EPHA4: variants seen among roughly 807,000 people sequenced by gnomAD.
EPHA4 encodes EPH receptor A4.
Under a neutral mutation model 108.3 loss-of-function variants are expected in EPHA4, and 19 were observed. The ratio of observed to expected loss-of-function variants is 0.18; its 90% CI spans 0.12 to 0.26. EPHA4 has a LOEUF of 0.26. EPHA4 is among the 10% of genes least tolerant of loss of function. The pLI, the probability that EPHA4 is intolerant of heterozygous loss-of-function variation, is 1.00. For missense variants in EPHA4, 917 were observed against 1,254.0 expected (o/e 0.73, Z 4.06); for synonymous variants, 449 against 455.5 (o/e 0.99, Z 0.18).
chr2:221,490,160 A>C lies in EPHA4; in HGVS notation c.980-7470T>G, dbSNP rs570179709. ...GACCCTGTCTCAAAAAAAAAAAAAA[A>C]AACCCACTGCCATAGCACTTTTGTA... On this transcript the variant is annotated intron_variant, in intron 4 of 17. Transcript: ENST00000281821. Among the ~76,000 whole-genome samples, 328 of 151,432 alleles carry C rather than the reference A, an allele frequency of 2.2e-3. 1 individual carries two copies. The highest frequency in any genetic ancestry group is 7.5e-3 in the African/African-American group (312 of 41,334).
At chr2:221,458,122 A>G (rs1372912263) in intron 5 of EPHA4, 132 bp from the exon 6 acceptor site, 9 of 1,082,676 alleles carry the variant, frequency 8.3e-6, no homozygotes, top group Non-Finnish European at 1.2e-5. Context: ...TGACCATTTT[A>G]CTCTTCAGTA....
intron 3 of EPHA4, among the ~76,000 whole-genome samples, chr2:221,519,482 G>C (rs147141084): frequency 4.6e-5 from 7 of 152,310 alleles, no homozygotes; most frequent in African/African-American, 1.7e-4. Context: ...AGATGAGAAA[G>C]GGGCAATTAA....
At chr2:221,527,063 G>T (rs1465676702) in intron 3 of EPHA4, among the ~76,000 whole-genome samples, 1 of 151,974 alleles carries the variant, frequency 6.6e-6, no homozygotes, top group Non-Finnish European at 1.5e-5. Context: ...GGCGGAGCTT[G>T]CAGTGAGCCG....
chr2:221,561,606 G>A (rs938660544), intron 3 of EPHA4, among the ~76,000 whole-genome samples: 9 of 152,096 alleles, frequency 5.9e-5, no homozygotes, highest in Non-Finnish European at 8.8e-5. Flanking sequence ...CCTCCCCTTC[G>A]AGGACGCACG....
chr2:221,500,647 A>G (rs1295195870), intron 4 of EPHA4, among the ~76,000 whole-genome samples: 1 of 152,140 alleles, frequency 6.6e-6, no homozygotes, highest in African/African-American at 2.4e-5. Flanking sequence ...CTGAAACCAC[A>G]TTCCCAAACC....
At chr2:221,421,072 C>T (rs1213007348) in intron 17 of EPHA4, among the ~76,000 whole-genome samples, 1 of 152,040 alleles carries the variant, frequency 6.6e-6, no homozygotes, top group African/African-American at 2.4e-5. Context: ...CCGAGGTGGG[C>T]GGATCACGAG....
intron 3 of EPHA4, among the ~76,000 whole-genome samples, chr2:221,506,474 G>A (rs1417221169): frequency 2.6e-5 from 4 of 152,158 alleles, no homozygotes. Context: ...AAAGGTTAAG[G>A]GTTTGCCCAA....
chr2:221,459,925 A>C (rs976593512), intron 5 of EPHA4, among the ~76,000 whole-genome samples: 3 of 152,188 alleles, frequency 2.0e-5, no homozygotes, highest in African/African-American at 4.8e-5. Context: ...AGATTCCTTG[A>C]GAAAGAATTG....
intron 3 of EPHA4, among the ~76,000 whole-genome samples, chr2:221,526,276 G>A (rs1693321841): frequency 6.6e-6 from 1 of 152,018 alleles, no homozygotes; most frequent in African/African-American, 2.4e-5. Flanking sequence ...AGACACTTAT[G>A]AATAAGGAAA....
chr2:221,442,687 G>T, intron 11 of EPHA4, 142 bp downstream of exon 11: 2 of 807,206 alleles, frequency 2.5e-6, no homozygotes, highest in Non-Finnish European at 3.9e-6. Context: ...CTGACTACAA[G>T]ATTAATGACT....
chr2:221,485,251 C>T (rs1446905831), intron 4 of EPHA4, among the ~76,000 whole-genome samples: 3 of 152,030 alleles, frequency 2.0e-5, no homozygotes, highest in Non-Finnish European at 4.4e-5. Context: ...TAAATGGTTT[C>T]AGGACTCAGA....
chr2:221,572,041 G>A, intron 1 of EPHA4, 117 bp downstream of exon 1: 1 of 844,858 alleles, frequency 1.2e-6, no homozygotes, highest in Non-Finnish European at 2.0e-6. Context: ...TCCCGAATCG[G>A]GACGCACCAT....
intron 5 of EPHA4, among the ~76,000 whole-genome samples, chr2:221,479,505 G>A (rs564844203): frequency 6.6e-6 from 1 of 152,292 alleles, no homozygotes; most frequent in South Asian, 2.1e-4. Flanking sequence ...TCCTTATAGA[G>A]TGAGACACCA....
Position 221,564,887 on chromosome 2 carries a change from C to CAAA in EPHA4, c.160-496_160-494dup, listed in dbSNP as rs1233305564. Among the ~76,000 whole-genome samples, 156 of 72,892 alleles carry CAAA rather than the reference C, an allele frequency of 2.1e-3. 2 individuals are homozygous for CAAA. Among genetic ancestry groups the CAAA allele is most frequent in the African/African-American group, 5.8e-3 (120 of 20,864 alleles). The allele number at this position is 72,892 out of a possible 152,430, so 47.8% of individuals were successfully genotyped here. A position where few individuals can be genotyped will look rare whatever the true frequency, so the allele number is the denominator to read the frequency against. Reference sequence around the variant, plus strand: ...GTCAGAACTTTGCTCTCTAATACCTCAAAAAAAAAAAAAAAAAAAAAAAAG... The same window carrying CAAA: ...GTCAGAACTTTGCTCTCTAATACCTCAAAAAAAAAAAAAAAAAAAAAAAAAAAG... On this transcript the variant is annotated intron_variant, in intron 2 of 17. Transcript: ENST00000281821.
At chr2:221,503,856 A>G (rs1692551156) in intron 3 of EPHA4, among the ~76,000 whole-genome samples, 1 of 152,220 alleles carries the variant, frequency 6.6e-6, no homozygotes, top group African/African-American at 2.4e-5. Context: ...TCACGCACAT[A>G]GCCATTTTGC....
Position 221,434,302 on chromosome 2 carries a change from T to A in EPHA4, c.2347-11A>T. 6.2e-7 allele frequency: 1 copy of A among 1,613,368 alleles called. No homozygotes were observed. The highest frequency in any genetic ancestry group is 8.5e-7 in the Non-Finnish European group (1 of 1,179,668). On this transcript the variant is annotated splice_polypyrimidine_tract_variant and intron_variant, in intron 13 of 17. Transcript: ENST00000281821. The stretch of plus-strand genomic sequence containing the variant: ...AGGAATCTTGCCACCCTGTGAACAT[T>A]TGAGCCATAAGTTATTCCTTAAGTA...
chr2:221,462,795 G>A (rs1282349603), intron 5 of EPHA4, among the ~76,000 whole-genome samples: 1 of 152,212 alleles, frequency 6.6e-6, no homozygotes, highest in Non-Finnish European at 1.5e-5. Context: ...TCATTCAAAT[G>A]TAAGTTAACA....
chr2:221,470,063 G>A (rs1363269896), intron 5 of EPHA4, among the ~76,000 whole-genome samples: 6 of 152,014 alleles, frequency 3.9e-5, no homozygotes, highest in Non-Finnish European at 8.8e-5. Context: ...CACACAGGCA[G>A]AACAGAGGAA....
At position 221,426,158 on chromosome 2, in the gene EPHA4, C is replaced by CA; in HGVS notation, c.2847-17dup. 11 of 1,600,718 alleles carry CA rather than the reference C, an allele frequency of 6.9e-6. No homozygotes were observed. Among genetic ancestry groups the CA allele is most frequent in the Non-Finnish European group, 9.4e-6 (11 of 1,170,136 alleles). On this transcript the variant is annotated splice_polypyrimidine_tract_variant and intron_variant, in intron 16 of 17. Coordinates refer to ENST00000281821, the MANE Select transcript of EPHA4 (RefSeq NM_004438.5). ...TGCCAGGTCCCTGTACATAGGGCGACAAAAAAGGGACAGAAGAAGTCACAG... is the reference window on the plus strand; with the variant it reads ...TGCCAGGTCCCTGTACATAGGGCGACAAAAAAAGGGACAGAAGAAGTCACAG...
Sources: gnomAD v4.1 joint callset for allele counts (sites outside exome capture counted in the v4.1 genomes callset) on GRCh38, gnomAD v4.1.1 for gene constraint, MANE v1.5 for transcripts, NCBI Gene and HGNC (gene_info 2026-07-23, HGNC 2026-07-21) for gene names.